CALN1: variants seen among roughly 807,000 people sequenced by gnomAD.
CALN1 encodes calcium-binding protein 8.
CALN1 carries 17 observed loss-of-function variants against 30.6 expected under a neutral mutation model. That is an observed-to-expected ratio of 0.56 (90% CI 0.38 to 0.83). The LOEUF (loss-of-function observed/expected upper bound fraction) is 0.83. CALN1 is among the 40% of genes least tolerant of loss of function. The pLI is 0.00. For missense variants in CALN1, 291 were observed against 354.9 expected (o/e 0.82, Z 1.45); for synonymous variants, 156 against 131.4 (o/e 1.19, Z -1.28).
intron 5 of CALN1, among the ~76,000 whole-genome samples, chr7:71,873,313 T>A (rs112762189): frequency 1.7e-4 from 26 of 151,754 alleles, no homozygotes; most frequent in Middle Eastern, 3.4e-3. Flanking sequence ...CAGCCGAAAA[T>A]TTTTTTTTGT....
At position 72,054,484 on chromosome 7, in the gene CALN1, T is replaced by TAC. The variant is rs1425153471; in HGVS notation, c.389-30716_389-30715insGT. Among the ~76,000 whole-genome samples the TAC allele has an allele frequency of 6.4e-5, 8 of 124,088 alleles. No individual in the cohort carries two copies. In the South Asian group the frequency reaches 1.1e-3, roughly 17 times the overall value. 81.4% of individuals were successfully genotyped at this position (124,088 alleles called of 152,430 possible). On this transcript the variant is annotated intron_variant, in intron 4 of 6. Transcript: ENST00000395275. ...ATATATATACATATATACATACATA[T>TAC]ATATATACATATATACATATATATA...
chr7:72,484,931 C>T, the CALN1 span, among the ~76,000 whole-genome samples: 1 of 152,016 alleles, frequency 6.6e-6, no homozygotes, highest in Admixed American at 6.6e-5. Context: ...CCAAGCCTAT[C>T]TGGGAAATCT....
chr7:72,047,638 A>C (rs1007283663), intron 4 of CALN1, among the ~76,000 whole-genome samples: 4 of 152,194 alleles, frequency 2.6e-5, no homozygotes, highest in Non-Finnish European at 5.9e-5. Flanking sequence ...TGAGGAGAAC[A>C]AACAAGAACA....
the CALN1 span, among the ~76,000 whole-genome samples, chr7:72,482,635 C>T: frequency 6.6e-6 from 1 of 152,076 alleles, no homozygotes; most frequent in East Asian, 1.9e-4. Flanking sequence ...TCAATTTCTC[C>T]ACTCCTAATC....
At chr7:71,940,024 C>G (rs4719195) in intron 5 of CALN1, among the ~76,000 whole-genome samples, 72,354 of 151,594 alleles carry the variant, frequency 0.48, 17,672 homozygotes, top group East Asian at 0.73. Context: ...AAAACTGTGT[C>G]CCCTCCTAAA....
At chr7:71,954,682 T>C (rs933820022) in intron 5 of CALN1, among the ~76,000 whole-genome samples, 1 of 152,058 alleles carries the variant, frequency 6.6e-6, no homozygotes, top group African/African-American at 2.4e-5. Context: ...GGATTGAGAA[T>C]TGACTGTGGG....
chr7:71,840,558 CA>C (rs1176054895), intron 5 of CALN1, among the ~76,000 whole-genome samples: 1 of 150,106 alleles, frequency 6.7e-6, no homozygotes, highest in Non-Finnish European at 1.5e-5. Context: ...CCTGCAGGGC[CA>C]AGTGTGTGGA....
At chr7:72,116,604 C>A (rs1217576191) in intron 3 of CALN1, among the ~76,000 whole-genome samples, 1 of 152,138 alleles carries the variant, frequency 6.6e-6, no homozygotes, top group Non-Finnish European at 1.5e-5. Context: ...AAGGGCACAG[C>A]TAGCACTAGC....
intron 5 of CALN1, among the ~76,000 whole-genome samples, chr7:71,860,446 C>G (rs960786476): frequency 3.9e-5 from 6 of 152,160 alleles, no homozygotes; most frequent in African/African-American, 1.2e-4. Flanking sequence ...CCGCCTTGGC[C>G]TCCCAAAGTG....
chr7:72,311,098 G>C (rs544434483), intron 2 of CALN1, among the ~76,000 whole-genome samples: 1 of 151,730 alleles, frequency 6.6e-6, no homozygotes, highest in African/African-American at 2.4e-5. Flanking sequence ...CCACCCCTTG[G>C]GGAACAAGAC....
chr7:72,386,074 C>A (rs1403750837), intron 2 of CALN1, among the ~76,000 whole-genome samples: 1 of 152,086 alleles, frequency 6.6e-6, no homozygotes, highest in African/African-American at 2.4e-5. Flanking sequence ...CTGGAAAAGG[C>A]AAAACTATGA....
intron 6 of CALN1, among the ~76,000 whole-genome samples, chr7:71,803,477 CTTCTT>C (rs1787422764): frequency 2.0e-5 from 3 of 151,894 alleles, no homozygotes; most frequent in African/African-American, 7.2e-5. Context: ...GAAGACTTGC[CTTCTT>C]TTTTCTTTTT....
intron 4 of CALN1, among the ~76,000 whole-genome samples, chr7:72,080,832 G>T (rs948867474): frequency 2.0e-5 from 3 of 152,114 alleles, no homozygotes; most frequent in African/African-American, 7.2e-5. Context: ...GGAAGCTGAT[G>T]GCTGTTCTCA....
chr7:71,835,527 C>A (rs1789551019), intron 5 of CALN1, among the ~76,000 whole-genome samples: 1 of 152,172 alleles, frequency 6.6e-6, no homozygotes, highest in Admixed American at 6.5e-5. Context: ...GAGCACACGG[C>A]TAAGCTGTGC....
At position 71,787,532 on chromosome 7, in the gene CALN1, T is replaced by C; in HGVS notation, c.*243A>G. The stretch of plus-strand genomic sequence containing the variant: ...AGCAATAATTTGGAAATCCTGGCGA[T>C]TTATTGCATTAGAAAACAAAACCAT... On this transcript the variant is annotated 3_prime_UTR_variant, in exon 7 of 7. Coordinates refer to ENST00000395275, the MANE Select transcript of CALN1 (RefSeq NM_031468.4). 1 of 434,574 alleles carries C rather than the reference T, an allele frequency of 2.3e-6. No homozygotes were observed. The highest frequency in any genetic ancestry group is 4.1e-6 in the Non-Finnish European group (1 of 241,934). 26.9% of individuals were successfully genotyped at this position (434,574 alleles called of 1,614,324 possible).
At chr7:72,268,234 T>C (rs1204353999) in intron 3 of CALN1, among the ~76,000 whole-genome samples, 1 of 151,986 alleles carries the variant, frequency 6.6e-6, no homozygotes, top group Non-Finnish European at 1.5e-5. Context: ...ACAAAGAATA[T>C]GTCTGGCCCA....
intron 5 of CALN1, among the ~76,000 whole-genome samples, chr7:71,861,019 GA>G (rs1289858920): frequency 6.6e-6 from 1 of 152,108 alleles, no homozygotes; most frequent in Non-Finnish European, 1.5e-5. Flanking sequence ...GGTCTTCAAA[GA>G]GGACCATTTA....
Position 71,829,410 on chromosome 7 carries a change from G to C in CALN1, c.502-18918C>G, listed in dbSNP as rs1029188667. ...TGTCAGCCCAAGGGAATTGATTACA[G>C]ACTTCTGACCTCCAGAAATGTAGAA... On this transcript the variant is annotated intron_variant, in intron 5 of 6. Coordinates refer to ENST00000395275, the MANE Select transcript of CALN1 (RefSeq NM_031468.4). Among the ~76,000 whole-genome samples the C allele has an allele frequency of 2.0e-5, 3 of 152,228 alleles. No individual in the cohort carries two copies. The East Asian group carries it at 5.8e-4, about 29-fold the overall frequency.
intron 4 of CALN1, among the ~76,000 whole-genome samples, chr7:72,027,350 C>T (rs781067035): frequency 1.3e-5 from 2 of 152,178 alleles, no homozygotes; most frequent in Non-Finnish European, 2.9e-5. Flanking sequence ...TCACTATCTG[C>T]ACCCACAGTG....
Sources: gnomAD v4.1 joint callset for allele counts (sites outside exome capture counted in the v4.1 genomes callset) on GRCh38, gnomAD v4.1.1 for gene constraint, MANE v1.5 for transcripts, NCBI Gene and HGNC (gene_info 2026-07-23, HGNC 2026-07-21) for gene names.